The following PCDHA11 variants were observed in gnomAD, a reference collection of about 807,000 sequenced individuals.
PCDHA11 encodes protocadherin alpha-11.
In PCDHA11, 61 loss-of-function variants were observed where a neutral mutation model predicts 70.3. That is an observed-to-expected ratio of 0.87 (90% CI 0.71 to 1.07). The LOEUF (loss-of-function observed/expected upper bound fraction) is 1.07, where lower values mean the gene tolerates loss of function less well. Ranked by LOEUF, PCDHA11 falls within the 50% of genes least tolerant of loss-of-function variation. The pLI is 0.00. For missense variants in PCDHA11, 1,324 were observed against 1,237.5 expected, an observed-to-expected ratio of 1.07 and a Z score of -1.05; for synonymous variants, 633 against 555.1, an observed-to-expected ratio of 1.14 and a Z score of -1.97.
intron 3 of PCDHA11, among the ~76,000 whole-genome samples, chr5:141,005,325 A>G (rs1430982331): frequency 6.6e-6 from 1 of 152,226 alleles, no homozygotes; most frequent in Non-Finnish European, 1.5e-5. Context: ...GTAGAGAATA[A>G]TAGGCCAAGG....
At chr5:140,967,939 C>T in intron 1 of PCDHA11, 1 of 1,614,188 alleles carries the variant, frequency 6.2e-7, no homozygotes, top group Non-Finnish European at 8.5e-7. Context: ...GTGTCAATGA[C>T]CAAGACTCAG....
intron 1 of PCDHA11, among the ~76,000 whole-genome samples, chr5:140,938,765 A>G (rs1554212377): frequency 6.6e-6 from 1 of 152,182 alleles, no homozygotes; most frequent in Non-Finnish European, 1.5e-5. Context: ...GTTATTGGGT[A>G]CTAGACTTAG....
intron 1 of PCDHA11, 81 bp downstream of exon 1, chr5:140,871,575 A>C (rs974047385): frequency 1.4e-6 from 2 of 1,477,482 alleles, no homozygotes; most frequent in Non-Finnish European, 1.8e-6. Flanking sequence ...GGATTTTTTA[A>C]GGGAAAGTTT....
intron 1 of PCDHA11, chr5:140,967,773 A>C (rs1285230643): frequency 1.9e-6 from 3 of 1,614,108 alleles, no homozygotes; most frequent in Non-Finnish European, 1.7e-6. Context: ...ATCTATGTGC[A>C]GGCGACTGAC....
chr5:140,929,226 C>G lies in PCDHA11; in HGVS notation c.2392-49723C>G, dbSNP rs782065898. ...TGTTGCGTGGGGAGTACAATGCTGC[C>G]GACCTGCGAAATCTTGCCACTGGGG... is the stretch of plus-strand genomic sequence containing the variant. On this transcript the variant is annotated intron_variant, in intron 1 of 3. Transcript: ENST00000398640. 5.0e-6 allele frequency: 8 copies of G among 1,613,768 alleles called. No homozygotes were observed. In the South Asian group the frequency reaches 8.8e-5, roughly 18 times the overall value.
chr5:140,989,722 A>C (rs1472933877), intron 3 of PCDHA11, among the ~76,000 whole-genome samples: 1 of 152,224 alleles, frequency 6.6e-6, no homozygotes, highest in African/African-American at 2.4e-5. Context: ...TCAGCTTTGC[A>C]GTTGAAAAGG....
chr5:140,995,265 G>A (rs1293855932), intron 3 of PCDHA11, among the ~76,000 whole-genome samples: 1 of 152,102 alleles, frequency 6.6e-6, no homozygotes, highest in African/African-American at 2.4e-5. Context: ...TTGAATACAA[G>A]CCCTTTGATA....
intron 1 of PCDHA11, chr5:140,884,353 T>C: frequency 1.2e-6 from 2 of 1,613,886 alleles, no homozygotes; most frequent in Non-Finnish European, 1.7e-6. Context: ...CGCTGGTGGA[T>C]GTCAATGTTT....
chr5:140,995,674 A>G (rs1205485736), intron 3 of PCDHA11, among the ~76,000 whole-genome samples: 2 of 151,994 alleles, frequency 1.3e-5, no homozygotes, highest in East Asian at 3.9e-4. Flanking sequence ...TAAATGCAGC[A>G]TTTTTTTTAA....
chr5:140,914,095 C>T (rs1368870998), intron 1 of PCDHA11, among the ~76,000 whole-genome samples: 1 of 152,082 alleles, frequency 6.6e-6, no homozygotes, highest in Admixed American at 6.5e-5. Context: ...TCAATTTGTT[C>T]TATAGTGCAG....
At chr5:140,952,088 A>G (rs2094684736) in intron 1 of PCDHA11, among the ~76,000 whole-genome samples, 1 of 152,154 alleles carries the variant, frequency 6.6e-6, no homozygotes, top group South Asian at 2.1e-4. Flanking sequence ...TCCATGTCTC[A>G]CATCCAGGGC....
At chr5:141,007,395 C>CAAAA (rs35800918) in intron 3 of PCDHA11, among the ~76,000 whole-genome samples, 7 of 94,852 alleles carry the variant, frequency 7.4e-5, no homozygotes, top group East Asian at 2.9e-4. Context: ...TACTAAAATA[C>CAAAA]AAAAAAAAAA....
intron 3 of PCDHA11, among the ~76,000 whole-genome samples, chr5:140,991,572 G>A (rs782016422): frequency 1.3e-4 from 20 of 152,144 alleles, no homozygotes; most frequent in Non-Finnish European, 2.9e-4. Flanking sequence ...TCCAATAACA[G>A]GCTCCTTATT....
intron 1 of PCDHA11, among the ~76,000 whole-genome samples, chr5:140,904,088 TA>T (rs1486110849): frequency 9.8e-5 from 15 of 152,340 alleles, no homozygotes; most frequent in Admixed American, 2.6e-4. Flanking sequence ...GTTACATGAA[TA>T]ACTACTTTAG....
chr5:140,918,868 T>C (rs1584116749), intron 1 of PCDHA11, among the ~76,000 whole-genome samples: 1 of 152,216 alleles, frequency 6.6e-6, no homozygotes, highest in Admixed American at 6.5e-5. Context: ...TCATGAACTT[T>C]CAAGCCTCTA....
At chr5:140,958,374 A>G (rs953397625) in intron 1 of PCDHA11, among the ~76,000 whole-genome samples, 3 of 152,134 alleles carry the variant, frequency 2.0e-5, no homozygotes, top group African/African-American at 7.2e-5. Context: ...GAATGTTGCT[A>G]TTTTCTTAAC....
intron 1 of PCDHA11, chr5:140,969,258 A>G (rs782513796): frequency 9.3e-6 from 15 of 1,614,106 alleles, no homozygotes; most frequent in Admixed American, 8.3e-5. Context: ...GACAGCAGGA[A>G]TCTCACAGGC....
rs143678744 is a variant in PCDHA11 at position 140,873,036 on chromosome 5, G to A, written c.2391+1542G>A. Among the ~76,000 whole-genome samples the A allele has an allele frequency of 5.4e-3, 816 of 152,264 alleles. 4 individuals carry two copies. The highest frequency in any genetic ancestry group is 0.014 in the Middle Eastern group (4 of 294). On this transcript the variant is annotated intron_variant, in intron 1 of 3. Coordinates refer to ENST00000398640, the MANE Select transcript of PCDHA11 (RefSeq NM_018902.5). ...TTTAGTTATTCTTACTACACGTAGA[G>A]TGGTGGTATTACAGACTTTCTTGAG...
At chr5:141,006,353 A>G (rs2098269096) in intron 3 of PCDHA11, among the ~76,000 whole-genome samples, 1 of 151,784 alleles carries the variant, frequency 6.6e-6, no homozygotes, top group Admixed American at 6.6e-5. Flanking sequence ...CTGGGACTAT[A>G]GGCGCCCACC....
Sources: gnomAD v4.1 joint callset for allele counts (sites outside exome capture counted in the v4.1 genomes callset) on GRCh38, gnomAD v4.1.1 for gene constraint, MANE v1.5 for transcripts, NCBI Gene and HGNC (gene_info 2026-07-23, HGNC 2026-07-21) for gene names.